Variants in ACYP2 observed in about 807,000 individuals in gnomAD.
ACYP2 encodes the protein acylphosphatase-2.
ACYP2 carries 12 observed loss-of-function variants against 11.2 expected under a neutral mutation model. The observed-to-expected ratio is 1.08, with a 90% CI of 0.69 to 1.74. The LOEUF is 1.74. Among genes scored for constraint, ACYP2 ranks in the 40% most tolerant of loss-of-function variants. The pLI, the probability that ACYP2 is intolerant of heterozygous loss-of-function variation, is 0.00. For missense variants in ACYP2, 134 were observed against 101.9 expected (o/e 1.31, Z -1.35); for synonymous variants, 43 against 32.2 (o/e 1.33, Z -1.13).
At chr2:54,106,067 T>G (rs1679140599) in intron 4 of ACYP2, among the ~76,000 whole-genome samples, 1 of 152,130 alleles carries the variant, frequency 6.6e-6, no homozygotes, top group Non-Finnish European at 1.5e-5. Context: ...TATATAAAAG[T>G]GTCATAATAA....
chr2:53,995,477 A>ATTTATTTATTT (rs1339946601), intron 2 of ACYP2, among the ~76,000 whole-genome samples: 1 of 142,628 alleles, frequency 7.0e-6, no homozygotes, highest in Non-Finnish European at 1.5e-5. Context: ...TTTTTTATTT[A>ATTTATTTATTT]TTTATTTATT....
intron 4 of ACYP2, among the ~76,000 whole-genome samples, chr2:54,090,670 C>T (rs1423369224): frequency 6.6e-6 from 1 of 152,170 alleles, no homozygotes; most frequent in East Asian, 1.9e-4. Context: ...TCCCTTCCTG[C>T]CTTTGCCAAT....
chr2:54,019,462 G>A (rs1317221680), intron 2 of ACYP2, among the ~76,000 whole-genome samples: 1 of 149,842 alleles, frequency 6.7e-6, no homozygotes, highest in Non-Finnish European at 1.5e-5. Context: ...TTGCAACCTC[G>A]ACCTCCTGGG....
chr2:54,023,987 C>CA (rs1558478177), intron 2 of ACYP2, among the ~76,000 whole-genome samples: 1 of 151,872 alleles, frequency 6.6e-6, no homozygotes, highest in Admixed American at 6.6e-5. Context: ...AAGGACATAA[C>CA]AAAAAAAGAA....
At chr2:54,180,000 C>G (rs371582214) in intron 6 of ACYP2, among the ~76,000 whole-genome samples, 2 of 152,136 alleles carry the variant, frequency 1.3e-5, no homozygotes, top group African/African-American at 4.8e-5. Context: ...AACTTCTGAC[C>G]AACTGACTGG....
At chr2:54,090,440 C>A (rs976535086) in intron 4 of ACYP2, among the ~76,000 whole-genome samples, 1 of 152,108 alleles carries the variant, frequency 6.6e-6, no homozygotes, top group African/African-American at 2.4e-5. Flanking sequence ...ACCAGCCTGG[C>A]CAATGTTGTG....
rs184632322 is a variant in ACYP2 at position 54,273,932 on chromosome 2, G to A, written c.405-30756G>A. Among the ~76,000 whole-genome samples the A allele has an allele frequency of 1.8e-3, 269 of 152,296 alleles. 2 individuals are homozygous for A. Among genetic ancestry groups the A allele is most frequent in the African/African-American group, 6.1e-3 (254 of 41,564 alleles). On this transcript the variant is annotated intron_variant, in intron 6 of 6. Coordinates refer to ENST00000607452, the MANE Select transcript of ACYP2 (RefSeq NM_001320586.2). ...ACAGGAATTTGCACCATGAACAAGT[G>A]TCTCGTTTTGTCTTCTGAGCTTCTC...
intron 4 of ACYP2, chr2:54,123,484 T>A (rs990308082): frequency 5.0e-6 from 2 of 398,540 alleles, no homozygotes; most frequent in East Asian, 7.1e-5. Flanking sequence ...AAAATTGAGA[T>A]ATAATTTACA....
chr2:54,201,899 G>A lies in ACYP2; in HGVS notation c.404+63151G>A, dbSNP rs149749985. 8.8e-3 allele frequency among the ~76,000 whole-genome samples: 1,339 copies of A among 151,654 alleles called. 8 individuals are homozygous for A. The highest frequency in any genetic ancestry group is 0.013 in the Non-Finnish European group (870 of 67,930). On this transcript the variant is annotated intron_variant, in intron 6 of 6. Coordinates refer to ENST00000607452, the MANE Select transcript of ACYP2 (RefSeq NM_001320586.2). ...AATTTTGTATTTTTAGTAGAGACAG[G>A]GTTTCTCCATGTTGGTCAAGCTGGT...
intron 4 of ACYP2, among the ~76,000 whole-genome samples, chr2:54,072,513 T>TTCTTTCTTCTTTCTTTCTTTCC (rs1553365859): frequency 2.6e-4 from 38 of 146,154 alleles, no homozygotes; most frequent in African/African-American, 9.0e-4. Context: ...CTCTCTCTCT[T>TTCTTTCTTCTTTCTTTCTTTCC]TCTTTCTTCT....
At chr2:54,167,806 A>C (rs1683058446) in intron 6 of ACYP2, among the ~76,000 whole-genome samples, 1 of 152,210 alleles carries the variant, frequency 6.6e-6, no homozygotes, top group African/African-American at 2.4e-5. Context: ...AGAGTTGTGT[A>C]GGAGATATCT....
chr2:54,105,515 A>G (rs759453970), intron 4 of ACYP2, among the ~76,000 whole-genome samples: 4 of 151,694 alleles, frequency 2.6e-5, no homozygotes, highest in Non-Finnish European at 5.9e-5. Context: ...GTCTCGTTTT[A>G]TTGCCCAGGC....
chr2:53,986,664 G>C (rs1274465391), intron 2 of ACYP2, among the ~76,000 whole-genome samples: 1 of 145,798 alleles, frequency 6.9e-6, no homozygotes, highest in Non-Finnish European at 1.5e-5. Context: ...TCACTCTGTT[G>C]CCCAGGATGG....
At position 54,101,568 on chromosome 2, in the gene ACYP2, G is replaced by A. The variant is rs553356099; in HGVS notation, c.278-33885G>A. ...CCTGTAATCCAATTCCAGCTACTCA[G>A]GAGGCTGAGGCTGTAGAATCGCTTG... is the stretch of plus-strand genomic sequence containing the variant. On this transcript the variant is annotated intron_variant, in intron 4 of 6. Transcript: ENST00000607452. 2.0e-5 allele frequency among the ~76,000 whole-genome samples: 3 copies of A among 151,868 alleles called. No homozygotes were observed. The South Asian group carries it at 6.3e-4, about 32-fold the overall frequency.
chr2:54,134,026 C>G (rs774711399), intron 4 of ACYP2, among the ~76,000 whole-genome samples: 1 of 152,108 alleles, frequency 6.6e-6, no homozygotes, highest in East Asian at 1.9e-4. Flanking sequence ...AAAACATAAC[C>G]AAGACCAATG....
intron 2 of ACYP2, among the ~76,000 whole-genome samples, chr2:54,031,488 G>A (rs1674583699): frequency 6.6e-6 from 1 of 152,090 alleles, no homozygotes; most frequent in African/African-American, 2.4e-5. Flanking sequence ...GTATTCCATG[G>A]TGCATATGTG....
At chr2:54,241,989 A>AG in intron 6 of ACYP2, among the ~76,000 whole-genome samples, 1 of 152,176 alleles carries the variant, frequency 6.6e-6, no homozygotes, top group East Asian at 1.9e-4. Flanking sequence ...ACTCCAGCCT[A>AG]GGTGACACAG....
At chr2:53,995,490 T>C (rs1672531832) in intron 2 of ACYP2, among the ~76,000 whole-genome samples, 1 of 139,168 alleles carries the variant, frequency 7.2e-6, no homozygotes, top group Non-Finnish European at 1.5e-5. Flanking sequence ...TATTTATTTT[T>C]TATTTATTTA....
At chr2:54,027,876 G>A (rs1214103892) in intron 2 of ACYP2, among the ~76,000 whole-genome samples, 1 of 114,956 alleles carries the variant, frequency 8.7e-6, no homozygotes, top group Non-Finnish European at 1.6e-5. Context: ...GTCTCACACT[G>A]TTGTCCAGGC....
Sources: allele counts gnomAD v4.1 joint callset (sites outside exome capture counted in the v4.1 genomes callset), GRCh38; gene constraint gnomAD v4.1.1; transcripts MANE v1.5; gene names NCBI Gene and HGNC (gene_info 2026-07-23, HGNC 2026-07-21).